Variants in HMCN1 observed in about 807,000 individuals in gnomAD.
The protein encoded by HMCN1 is hemicentin-1.
Under a neutral mutation model 625.9 loss-of-function variants are expected in HMCN1, and 321 were observed. The ratio of observed to expected loss-of-function variants is 0.51; its 90% confidence interval spans 0.47 to 0.56. The LOEUF (loss-of-function observed/expected upper bound fraction) is 0.56. HMCN1 is among the 20% of genes least tolerant of loss of function. The probability of loss-of-function intolerance (pLI) is 0.00; values close to 1 mark genes in which losing one functional copy is unlikely to be tolerated. For missense variants in HMCN1, 6,588 were observed against 6,887.3 expected, an observed-to-expected ratio of 0.96 and a Z score of 1.54; for synonymous variants, 2,425 against 2,417.6, an observed-to-expected ratio of 1.00 and a Z score of -0.09.
At chr1:186,134,108 C>T (rs1198009017) in intron 86 of HMCN1, among the ~76,000 whole-genome samples, 1 of 151,972 alleles carries the variant, frequency 6.6e-6, no homozygotes, top group Non-Finnish European at 1.5e-5. Context: ...GTAAGTGAGG[C>T]ATATTAAATA....
chr1:185,947,776 A>C (rs1252668046), intron 11 of HMCN1, among the ~76,000 whole-genome samples: 1 of 152,256 alleles, frequency 6.6e-6, no homozygotes, highest in Non-Finnish European at 1.5e-5. Flanking sequence ...GAAAAGTTAA[A>C]AATGTTTAAA....
chr1:186,144,654 C>T lies in HMCN1; in HGVS notation c.14217C>T (p.Cys4739=), dbSNP rs371852930. 1.4e-5 allele frequency: 23 copies of T among 1,613,950 alleles called. No individual in the cohort carries two copies. Among genetic ancestry groups the T allele is most frequent in the Middle Eastern group, 1.6e-4 (1 of 6,082 alleles). ...TGCCCCAGTATGGAGGAAGGAAATG[C>T]GAAGGGAGTGATGTCCAGAGTGATT... is the stretch of plus-strand genomic sequence containing the variant. The part of the protein sequence containing the change: ...DPVPQYGGRK[C]EGSDVQSDFC... The change falls in exon 91 of 107, where the codon TGC becomes TGT. Residue 4739 remains cysteine (C), a synonymous_variant. Transcript: ENST00000271588.
At chr1:186,026,679 G>GT (rs1430526156) in intron 36 of HMCN1, among the ~76,000 whole-genome samples, 1 of 152,126 alleles carries the variant, frequency 6.6e-6, no homozygotes, top group Non-Finnish European at 1.5e-5. Flanking sequence ...TGTCACCCAA[G>GT]TTGGAGTGCA....
rs1219250192 is a variant in HMCN1 at position 185,983,938 on chromosome 1, ACT to A, written c.2791-226_2791-225del. Among the ~76,000 whole-genome samples the A allele has an allele frequency of 5.9e-5, 9 of 152,216 alleles. No individual in the cohort carries two copies. The East Asian group carries it at 1.4e-3, about 23-fold the overall frequency. On this transcript the variant is annotated intron_variant, in intron 18 of 106. Transcript: ENST00000271588. The stretch of plus-strand genomic sequence containing the variant: ...TCTTTCTTTTTTTAGCTTGTGCTTA[ACT>A]CTCTGATAAATATTAATAGGTATAA...
chr1:186,048,997 T>TATAA (rs1349151880), intron 42 of HMCN1, among the ~76,000 whole-genome samples, 158 bp downstream of exon 42: 1 of 152,084 alleles, frequency 6.6e-6, no homozygotes, highest in East Asian at 1.9e-4. Flanking sequence ...TATCAGTTCA[T>TATAA]ATAACTACTT....
In HMCN1 at chr1:186,024,178, G is replaced by A. The variant is rs146426506; in HGVS notation, c.5749+1025G>A. Among the ~76,000 whole-genome samples, 5 of 152,218 alleles carry A rather than the reference G, an allele frequency of 3.3e-5. No homozygotes were observed. The East Asian group carries it at 9.7e-4, about 29-fold the overall frequency. ...CCATGTGGGTCTTTATTCTTTCACT[G>A]GATCGTTAGTTGGGAGACGAATATC... On this transcript the variant is annotated intron_variant, in intron 36 of 106. Transcript: ENST00000271588.
In HMCN1 at chr1:186,060,682, A is replaced by C. The variant is rs193111274; in HGVS notation, c.7313-1169A>C. ...CCCATAACATTTTATATAATGTAGG[A>C]TTCCATGAAGCTTAATTGAAAGCTG... On this transcript the variant is annotated intron_variant, in intron 46 of 106. Coordinates refer to ENST00000271588, the MANE Select transcript of HMCN1 (RefSeq NM_031935.3). Among the ~76,000 whole-genome samples, 287 of 152,258 alleles carry C rather than the reference A, an allele frequency of 1.9e-3. 2 individuals are homozygous for C. Among genetic ancestry groups the C allele is most frequent in the African/African-American group, 6.7e-3 (278 of 41,556 alleles).
chr1:185,892,391 T>G (rs1226087952), intron 4 of HMCN1, among the ~76,000 whole-genome samples: 1 of 151,760 alleles, frequency 6.6e-6, no homozygotes, highest in Non-Finnish European at 1.5e-5. Flanking sequence ...GGCGCTCTGA[T>G]TTTTAGAGTT....
Position 186,132,365 on chromosome 1 carries a change from A to G in HMCN1, c.13268A>G (p.Asn4423Ser), listed in dbSNP as rs140559452. 45 of 1,612,820 alleles carry G rather than the reference A, an allele frequency of 2.8e-5. No homozygotes were observed. The highest frequency in any genetic ancestry group is 8.4e-5 in the Admixed American group (5 of 59,822). Residue 4423 changes from asparagine to serine, a missense_variant, in exon 86 of 107, where the codon AAT becomes AGT. By Grantham distance (46) the Asn-to-Ser change is conservative. Around this residue, in one of 3 missense-constraint regions of HMCN1, gnomAD observed 1,954 missense variants for 2,013.1 expected, o/e 0.97. Coordinates refer to ENST00000271588, the MANE Select transcript of HMCN1 (RefSeq NM_031935.3). ...GGTGACTATACATGTGTAGCTACCAATGAAGCTGGGGTGGTGGAGCGCAGC... is the reference window on the plus strand; with the variant it reads ...GGTGACTATACATGTGTAGCTACCAGTGAAGCTGGGGTGGTGGAGCGCAGC... ...DAGDYTCVAT[N>S]EAGVVERSMS... is the part of the protein sequence containing the mutation.
At chr1:185,961,928 A>T (rs968297555) in intron 11 of HMCN1, among the ~76,000 whole-genome samples, 3 of 152,220 alleles carry the variant, frequency 2.0e-5, no homozygotes, top group African/African-American at 7.2e-5. Flanking sequence ...ACAGTTTAGG[A>T]AACTGCATTC....
Position 185,994,882 on chromosome 1 carries a change from A to T in HMCN1, c.3573A>T (p.Pro1191=), listed in dbSNP as rs1199570850. 1 of 1,613,778 alleles carries T rather than the reference A, an allele frequency of 6.2e-7. No individual in the cohort carries two copies. The highest frequency in any genetic ancestry group is 1.3e-5 in the African/African-American group (1 of 75,014). The change falls in exon 24 of 107, where the codon CCA becomes CCT. Residue 1191 remains proline, a synonymous_variant. Coordinates refer to ENST00000271588, the MANE Select transcript of HMCN1 (RefSeq NM_031935.3). ...KVQVGQRVDI[P]CNAQGTPLPV... ...AAGTTGGTCAAAGAGTGGATATTCCATGTAATGCTCAAGGGACTCCTCTTC... is the reference window on the plus strand; with the variant it reads ...AAGTTGGTCAAAGAGTGGATATTCCTTGTAATGCTCAAGGGACTCCTCTTC...
At chr1:185,886,208 A>C (rs1261699882) in intron 4 of HMCN1, among the ~76,000 whole-genome samples, 1 of 149,056 alleles carries the variant, frequency 6.7e-6, no homozygotes, top group Non-Finnish European at 1.5e-5. Flanking sequence ...TGCGTGTTCT[A>C]TTGGAAGAAA....
intron 4 of HMCN1, among the ~76,000 whole-genome samples, chr1:185,901,069 T>C (rs1665778239): frequency 2.0e-5 from 3 of 151,912 alleles, no homozygotes; most frequent in African/African-American, 7.2e-5. Flanking sequence ...TTCTATTAAA[T>C]GTTTAATGCA....
At chr1:185,762,956 T>C (rs781707459) in intron 1 of HMCN1, among the ~76,000 whole-genome samples, 1 of 151,994 alleles carries the variant, frequency 6.6e-6, no homozygotes, top group Admixed American at 6.6e-5. Context: ...GGCTAACTTA[T>C]TTGTTTCTTT....
chr1:186,087,754 A>G, intron 60 of HMCN1, 109 bp downstream of exon 60: 1 of 1,247,704 alleles, frequency 8.0e-7, no homozygotes, highest in Non-Finnish European at 1.2e-6. Flanking sequence ...GATTTTCATT[A>G]AAAAAATACA....
intron 69 of HMCN1, among the ~76,000 whole-genome samples, chr1:186,106,414 A>G (rs969189351): frequency 3.9e-5 from 6 of 152,220 alleles, no homozygotes; most frequent in African/African-American, 1.4e-4. Context: ...CACCATGTAT[A>G]TAAAATGTAG....
chr1:185,917,691 A>G lies in HMCN1; in HGVS notation c.901-4688A>G, dbSNP rs137996569. Reference sequence around the variant, plus strand: ...CCAGCTGAGTGACATTCTGTGGGTGATGAATATGAAATAGTTACTGCCTTG... The same window carrying G: ...CCAGCTGAGTGACATTCTGTGGGTGGTGAATATGAAATAGTTACTGCCTTG... On this transcript the variant is annotated intron_variant, in intron 6 of 106. Coordinates refer to ENST00000271588, the MANE Select transcript of HMCN1 (RefSeq NM_031935.3). 4.1e-3 allele frequency among the ~76,000 whole-genome samples: 618 copies of G among 152,316 alleles called. 6 individuals carry two copies. The highest frequency in any genetic ancestry group is 0.014 in the African/African-American group (583 of 41,572).
chr1:185,980,507 C>T (rs2101997583), intron 16 of HMCN1, among the ~76,000 whole-genome samples: 1 of 152,242 alleles, frequency 6.6e-6, no homozygotes, highest in South Asian at 2.1e-4. Context: ...CATGTTTCAC[C>T]TCTCTAGTTT....
At chr1:185,911,824 T>C (rs765193136) in intron 6 of HMCN1, 44 bp downstream of exon 6, 1 of 1,427,330 alleles carries the variant, frequency 7.0e-7, no homozygotes, top group Non-Finnish European at 9.9e-7. Flanking sequence ...TATTTTGAAG[T>C]TGGCATTTTT....
Sources: gnomAD v4.1 joint callset for allele counts (sites outside exome capture counted in the v4.1 genomes callset) on GRCh38, gnomAD v4.1.1 for gene constraint, gnomAD v4.1.1 regional missense constraint, MANE v1.5 for transcripts, NCBI Gene and HGNC (gene_info 2026-07-23, HGNC 2026-07-21) for gene names.